SLC26A4: variants seen among roughly 807,000 people sequenced by gnomAD.
SLC26A4 encodes solute carrier family 26 member 4.
Under a neutral mutation model 90.4 loss-of-function variants are expected in SLC26A4, and 93 were observed. That is an observed-to-expected ratio of 1.03 (90% CI 0.87 to 1.22). The LOEUF is 1.22. Ranked by LOEUF, SLC26A4 falls within the 50% of genes most tolerant of loss-of-function variation. The probability of loss-of-function intolerance (pLI) is 0.00; values close to 1 mark genes in which losing one functional copy is unlikely to be tolerated. For synonymous variants in SLC26A4, 393 were observed against 354.6 expected (o/e 1.11, Z -1.22); for missense variants, 1,127 against 946.2 (o/e 1.19, Z -2.51).
intron 10 of SLC26A4, among the ~76,000 whole-genome samples, chr7:107,694,012 A>G (rs1039631621): frequency 2.6e-5 from 4 of 152,192 alleles, no homozygotes; most frequent in Non-Finnish European, 5.9e-5. Flanking sequence ...TTTCCCAAGA[A>G]TACGACAATG....
At chr7:107,702,119 T>C (rs1791911240) in intron 17 of SLC26A4, 62 bp downstream of exon 17, 6 of 1,047,416 alleles carry the variant, frequency 5.7e-6, no homozygotes, top group East Asian at 4.8e-5. Context: ...ATGATGTGGG[T>C]TGTCCAGTAT....
At chr7:107,667,460 TTAAAAA>T (rs901418590) in intron 3 of SLC26A4, among the ~76,000 whole-genome samples, 3 of 26,426 alleles carry the variant, frequency 1.1e-4, no homozygotes, top group Non-Finnish European at 1.8e-4. Flanking sequence ...GAGAGAAGGT[TTAAAAA>T]AAAAAAAAAA....
intron 18 of SLC26A4, among the ~76,000 whole-genome samples, chr7:107,706,525 G>C (rs1357824630): frequency 1.3e-5 from 2 of 152,198 alleles, no homozygotes; most frequent in African/African-American, 4.8e-5. Context: ...AAAACGTCTT[G>C]ATGCTATGAA....
intron 14 of SLC26A4, among the ~76,000 whole-genome samples, chr7:107,699,831 G>A (rs995448864): frequency 2.0e-5 from 3 of 151,968 alleles, no homozygotes; most frequent in Non-Finnish European, 4.4e-5. Flanking sequence ...GGGAGGCTGA[G>A]GCAGGAGAAT....
chr7:107,681,242 A>G (rs568310648), intron 6 of SLC26A4, among the ~76,000 whole-genome samples: 1 of 152,278 alleles, frequency 6.6e-6, no homozygotes, highest in East Asian at 1.9e-4. Flanking sequence ...GAGTCTTCCT[A>G]CAAGTTAAAT....
intron 7 of SLC26A4, 27 bp from the exon 8 acceptor site, chr7:107,683,428 T>C: frequency 6.2e-7 from 1 of 1,610,770 alleles, no homozygotes; most frequent in East Asian, 2.2e-5. Context: ...ACCAATGGAG[T>C]TTTTAACATC....
intron 8 of SLC26A4, among the ~76,000 whole-genome samples, chr7:107,684,330 G>C (rs536007730): frequency 8.5e-5 from 13 of 152,296 alleles, no homozygotes; most frequent in African/African-American, 3.1e-4. Context: ...CCTAAGACTG[G>C]AAGAGTTTGG....
In SLC26A4 at chr7:107,716,738, A is replaced by G. The variant is rs995746807; in HGVS notation, c.*1292A>G. The G allele has an allele frequency of 6.6e-6, 1 of 152,138 alleles. No individual in the cohort carries two copies. The highest frequency in any genetic ancestry group is 2.4e-5 in the African/African-American group (1 of 41,420). 9.4% of individuals were successfully genotyped at this position (152,138 alleles called of 1,614,324 possible). A position where few individuals can be genotyped will look rare whatever the true frequency, so the allele number is the denominator to read the frequency against. ...GAGAAAAGTTATACCCAGGTCCCCA[A>G]TTGAGAATGTCTTGCTTGATTGAAA... On this transcript the variant is annotated 3_prime_UTR_variant, in exon 21 of 21. Transcript: ENST00000644269.
At chr7:107,675,824 G>A (rs571909347) in intron 6 of SLC26A4, among the ~76,000 whole-genome samples, 38 of 151,928 alleles carry the variant, frequency 2.5e-4, no homozygotes, top group African/African-American at 8.7e-4. Flanking sequence ...CACCCACATC[G>A]GCCTCCCAAA....
At chr7:107,689,287 G>C in intron 9 of SLC26A4, 87 bp downstream of exon 9, 4 of 1,398,652 alleles carry the variant, frequency 2.9e-6, no homozygotes, top group Non-Finnish European at 4.0e-6. Context: ...GTCAGCTAAA[G>C]AAGGGGTTGG....
At chr7:107,682,868 A>AT (rs1321293352) in intron 6 of SLC26A4, among the ~76,000 whole-genome samples, 3 of 152,142 alleles carry the variant, frequency 2.0e-5, no homozygotes, top group Non-Finnish European at 4.4e-5. Context: ...TTATAATGAC[A>AT]TTTTTTCTTT....
intron 18 of SLC26A4, 117 bp from the exon 19 acceptor site, chr7:107,709,937 A>G (rs1160804516): frequency 1.3e-6 from 1 of 788,364 alleles, no homozygotes; most frequent in East Asian, 2.6e-5. Flanking sequence ...CGGAGGTTGC[A>G]GTGAGCAATG....
intron 6 of SLC26A4, among the ~76,000 whole-genome samples, chr7:107,677,324 T>C (rs1445157926): frequency 6.6e-6 from 1 of 152,184 alleles, no homozygotes; most frequent in Non-Finnish European, 1.5e-5. Context: ...AGCCTCAGTG[T>C]CCTCAATTGT....
At chr7:107,689,963 C>T (rs1325724750) in intron 9 of SLC26A4, among the ~76,000 whole-genome samples, 161 bp from the exon 10 acceptor site, 1 of 152,120 alleles carries the variant, frequency 6.6e-6, no homozygotes, top group Non-Finnish European at 1.5e-5. Context: ...CTCCTGATGT[C>T]GTACAAGGAC....
At position 107,661,887 on chromosome 7, in the gene SLC26A4, G is replaced by A. The variant is rs937928988; in HGVS notation, c.164+82G>A. 3 of 1,442,360 alleles carry A rather than the reference G, an allele frequency of 2.1e-6. No homozygotes were observed. The highest frequency in any genetic ancestry group is 2.5e-5 in the East Asian group (1 of 39,368). The allele number at this position is 1,442,360 out of a possible 1,614,324, so 89.3% of individuals were successfully genotyped here. A position where few individuals can be genotyped will look rare whatever the true frequency, so the allele number is the denominator to read the frequency against. ...GGAGGGAAGGGCGTCCCCAGCGGGC[G>A]AGAGTGGGGTGCGGGCGGCGGAGCC... On this transcript the variant is annotated intron_variant, in intron 2 of 20. Coordinates refer to ENST00000644269, the MANE Select transcript of SLC26A4 (RefSeq NM_000441.2). This position sits in a 1 kb window ranked among gnomAD's most constrained non-coding sequence, Gnocchi z 5.1.
At chr7:107,715,196 C>T (rs1792313473) in intron 20 of SLC26A4, among the ~76,000 whole-genome samples, 2 of 148,492 alleles carry the variant, frequency 1.3e-5, no homozygotes, top group South Asian at 4.3e-4. Flanking sequence ...GATCACGCCA[C>T]AGCACTCCAG....
rs796954615 is a variant in SLC26A4, at chr7:107,663,219, A to G, written c.165-77A>G. 6 of 1,424,758 alleles carry G rather than the reference A, an allele frequency of 4.2e-6. No individual in the cohort carries two copies. The African/African-American group carries it at 8.4e-5, about 20-fold the overall frequency. 88.3% of individuals were successfully genotyped at this position (1,424,758 alleles called of 1,614,324 possible). A position where few individuals can be genotyped will look rare whatever the true frequency, so the allele number is the denominator to read the frequency against. ...ATAGTTATAAACATCAGCAGAATCCAGTTCATAACTTTGTGATTTGCAAAT... is the reference window on the plus strand; with the variant it reads ...ATAGTTATAAACATCAGCAGAATCCGGTTCATAACTTTGTGATTTGCAAAT... On this transcript the variant is annotated intron_variant, in intron 2 of 20. Transcript: ENST00000644269.
intron 10 of SLC26A4, chr7:107,693,280 G>C: frequency 1.0e-6 from 1 of 985,184 alleles, no homozygotes; most frequent in Non-Finnish European, 1.2e-6. Context: ...GAAGAGCATA[G>C]AAAAGCCAGC....
intron 4 of SLC26A4, 114 bp downstream of exon 4, chr7:107,672,362 T>C (rs943731569): frequency 1.0e-5 from 4 of 389,970 alleles, no homozygotes. Flanking sequence ...GTTTTCACAA[T>C]TATACTTTTA....
Sources: allele counts gnomAD v4.1 joint callset (sites outside exome capture counted in the v4.1 genomes callset), GRCh38; gene constraint gnomAD v4.1.1; non-coding constraint Gnocchi (gnomAD v3.1); transcripts MANE v1.5; gene names NCBI Gene and HGNC (gene_info 2026-07-23, HGNC 2026-07-21).